Variants in AP3B1 observed in about 807,000 individuals in gnomAD.
AP3B1 encodes AP-3 complex subunit beta-1.
Under a neutral mutation model 132.5 loss-of-function variants are expected in AP3B1, and 61 were observed. The observed-to-expected ratio is 0.46, with a 90% CI of 0.37 to 0.57. AP3B1 has a LOEUF of 0.57. Among genes scored for constraint, AP3B1 ranks in the 20% least tolerant of loss-of-function variants. The probability of loss-of-function intolerance (pLI) is 0.00; values close to 1 mark genes in which losing one functional copy is unlikely to be tolerated. For missense variants in AP3B1, 1,120 were observed against 1,289.4 expected, an observed-to-expected ratio of 0.87 and a Z score of 2.01; for synonymous variants, 388 against 438.3, an observed-to-expected ratio of 0.89 and a Z score of 1.43.
chr5:78,122,384 T>C (rs1486861977), intron 17 of AP3B1, among the ~76,000 whole-genome samples: 1 of 152,172 alleles, frequency 6.6e-6, no homozygotes, highest in Non-Finnish European at 1.5e-5. Context: ...GGGCATTCAA[T>C]TAGGAAAAGA....
Position 78,097,127 on chromosome 5 carries a change from C to A in AP3B1, c.2470+3826G>T, listed in dbSNP as rs570275379. On this transcript the variant is annotated intron_variant, in intron 21 of 26. Coordinates refer to ENST00000255194, the MANE Select transcript of AP3B1 (RefSeq NM_003664.5). ...AGGGAGGTAGGGGGTCAGCCCCCCACCCGGCCAGCCGCCCCGTCCGGGAGG... is the reference window on the plus strand; with the variant it reads ...AGGGAGGTAGGGGGTCAGCCCCCCAACCGGCCAGCCGCCCCGTCCGGGAGG... Among the ~76,000 whole-genome samples, 91 of 125,782 alleles carry A rather than the reference C, an allele frequency of 7.2e-4. 1 individual carries two copies. The highest frequency in any genetic ancestry group is 5.2e-3 in the South Asian group (21 of 4,004). 82.5% of individuals were successfully genotyped at this position (125,782 alleles called of 152,430 possible).
intron 22 of AP3B1, chr5:78,043,004 G>A (rs143585969): frequency 5.9e-6 from 1 of 170,896 alleles, no homozygotes; most frequent in East Asian, 1.7e-4. Flanking sequence ...ATCTTGTTTA[G>A]TTCTTCCCAA....
chr5:78,174,638 G>A (rs1744069013), intron 11 of AP3B1, among the ~76,000 whole-genome samples: 1 of 152,218 alleles, frequency 6.6e-6, no homozygotes, highest in African/African-American at 2.4e-5. Context: ...GTGTCTGTCG[G>A]CCCCTAGTGG....
chr5:78,294,493 G>C lies in AP3B1; in HGVS notation c.87C>G (p.Ser29=). The change falls in exon 1 of 27, where the codon TCC becomes TCG. Residue 29 remains serine (S), a synonymous_variant. Transcript: ENST00000255194. The part of the protein sequence containing the change: ...ELGQEATSTI[S]PSGAFGLFSS... Reference sequence around the variant, plus strand: ...TAAAGAGGCCGAAGGCCCCCGAGGGGGAAATGGTTGAGGTCGCCTCCTGAC... The same window carrying C: ...TAAAGAGGCCGAAGGCCCCCGAGGGCGAAATGGTTGAGGTCGCCTCCTGAC... The C allele has an allele frequency of 6.2e-7, 1 of 1,614,252 alleles. No individual in the cohort carries two copies. Among genetic ancestry groups the C allele is most frequent in the Non-Finnish European group, 8.5e-7 (1 of 1,180,048 alleles).
At chr5:78,156,479 T>C in intron 13 of AP3B1, 112 bp from the exon 14 acceptor site, 1 of 813,218 alleles carries the variant, frequency 1.2e-6, no homozygotes, top group Non-Finnish European at 2.0e-6. Context: ...ATACAAGCCT[T>C]AAAAGACTAT....
chr5:78,273,069 A>C (rs1748619075), intron 1 of AP3B1, among the ~76,000 whole-genome samples: 1 of 152,180 alleles, frequency 6.6e-6, no homozygotes, highest in African/African-American at 2.4e-5. Flanking sequence ...AAGTACTCTT[A>C]AGGGGCCATG....
chr5:78,197,741 T>C (rs1329750750), intron 7 of AP3B1, among the ~76,000 whole-genome samples: 1 of 152,164 alleles, frequency 6.6e-6, no homozygotes, highest in Admixed American at 6.5e-5. Flanking sequence ...TAATGACAGT[T>C]AAAACTGCCT....
At chr5:78,127,103 T>C (rs537820335) in intron 17 of AP3B1, among the ~76,000 whole-genome samples, 2 of 152,258 alleles carry the variant, frequency 1.3e-5, no homozygotes, top group South Asian at 4.1e-4. Flanking sequence ...AGGAATCAAA[T>C]TACATGGCCA....
intron 6 of AP3B1, among the ~76,000 whole-genome samples, chr5:78,218,783 T>C (rs942903651): frequency 1.4e-4 from 21 of 152,178 alleles, no homozygotes; most frequent in Non-Finnish European, 3.1e-4. Context: ...CAAGGTTTGA[T>C]TGATAATATG....
chr5:78,156,265 C>T lies in AP3B1; in HGVS notation c.1466G>A (p.Ser489Asn), dbSNP rs746295151. 1.9e-6 allele frequency: 3 copies of T among 1,607,626 alleles called. No individual in the cohort carries two copies. The highest frequency in any genetic ancestry group is 2.2e-5 in the South Asian group (2 of 90,932). ...CTCTTAATTGATACTCACAGTGATACTGTCCAGGAGTTTGGCCATATGTTT... is the reference window on the plus strand; with the variant it reads ...CTCTTAATTGATACTCACAGTGATATTGTCCAGGAGTTTGGCCATATGTTT... ...IIKHMAKLLD[S>N]ITVPVARASI... is the part of the protein sequence containing the mutation. Residue 489 changes from serine to asparagine, a missense_variant, in exon 14 of 27, where the codon AGT (serine) becomes AAT (asparagine). Physicochemically the swap from Ser to Asn is conservative, Grantham distance 46. Coordinates refer to ENST00000255194, the MANE Select transcript of AP3B1 (RefSeq NM_003664.5).
intron 2 of AP3B1, among the ~76,000 whole-genome samples, chr5:78,259,651 C>T (rs2112550089): frequency 6.6e-6 from 1 of 152,238 alleles, no homozygotes; most frequent in Admixed American, 6.5e-5. Flanking sequence ...CATACACCTA[C>T]TATGTGCCCA....
chr5:78,074,832 C>T lies in AP3B1; in HGVS notation c.2577+14561G>A, dbSNP rs183881973. 1.9e-3 allele frequency among the ~76,000 whole-genome samples: 285 copies of T among 152,208 alleles called. 3 individuals carry two copies. The highest frequency in any genetic ancestry group is 2.1e-3 in the Non-Finnish European group (143 of 68,016). ...GCGTGGTGGCACATGCCTCAGGAGGCTGAGGCAGGAGAACTGCTTGAACCT... is the reference window on the plus strand; with the variant it reads ...GCGTGGTGGCACATGCCTCAGGAGGTTGAGGCAGGAGAACTGCTTGAACCT... On this transcript the variant is annotated intron_variant, in intron 22 of 26. Transcript: ENST00000255194.
intron 22 of AP3B1, chr5:78,042,795 C>T (rs1273935889): frequency 6.4e-6 from 1 of 156,478 alleles, no homozygotes; most frequent in African/African-American, 2.4e-5. Context: ...GTTTGTTGTT[C>T]TTTTTTTCTT....
At chr5:78,116,281 T>C in intron 17 of AP3B1, 47 bp from the exon 18 acceptor site, 1 of 1,520,646 alleles carries the variant, frequency 6.6e-7, no homozygotes, top group South Asian at 1.1e-5. Flanking sequence ...CATTCAGAGA[T>C]TTAGAGTTCT....
intron 7 of AP3B1, among the ~76,000 whole-genome samples, chr5:78,206,254 A>G (rs1179823921): frequency 6.6e-6 from 1 of 152,180 alleles, no homozygotes; most frequent in Admixed American, 6.5e-5. Flanking sequence ...TAATGAATTA[A>G]AATATACTAC....
At chr5:78,078,652 T>C (rs773032727) in intron 22 of AP3B1, among the ~76,000 whole-genome samples, 1 of 152,222 alleles carries the variant, frequency 6.6e-6, no homozygotes, top group Non-Finnish European at 1.5e-5. Flanking sequence ...TCCAAGTCCA[T>C]ATTGATAGGC....
intron 14 of AP3B1, among the ~76,000 whole-genome samples, chr5:78,146,847 G>T (rs1345389023): frequency 1.3e-5 from 2 of 151,848 alleles, no homozygotes; most frequent in Non-Finnish European, 2.9e-5. Context: ...CTTTACAACT[G>T]GTCTGGTACC....
At chr5:78,016,506 G>T (rs573403337) in intron 25 of AP3B1, among the ~76,000 whole-genome samples, 2 of 152,148 alleles carry the variant, frequency 1.3e-5, no homozygotes, top group African/African-American at 4.8e-5. Context: ...AACTCTTTGA[G>T]ATATTTGATA....
At chr5:78,196,294 G>A (rs560645000) in intron 7 of AP3B1, among the ~76,000 whole-genome samples, 1 of 152,148 alleles carries the variant, frequency 6.6e-6, no homozygotes, top group Admixed American at 6.5e-5. Context: ...CATGTCATTA[G>A]GGAATTGCTA....
Sources: allele counts gnomAD v4.1 joint callset (sites outside exome capture counted in the v4.1 genomes callset), GRCh38; gene constraint gnomAD v4.1.1; transcripts MANE v1.5; gene names NCBI Gene and HGNC (gene_info 2026-07-23, HGNC 2026-07-21).